The following NUP93 variants were observed in gnomAD, a reference collection of about 807,000 sequenced individuals.
NUP93 encodes the protein nucleoporin 93.
Under a neutral mutation model 107.8 loss-of-function variants are expected in NUP93, and 55 were observed. The ratio of observed to expected loss-of-function variants is 0.51; its 90% CI spans 0.41 to 0.64. The LOEUF (loss-of-function observed/expected upper bound fraction) is 0.64, where lower values mean the gene tolerates loss of function less well. Ranked by LOEUF, NUP93 falls within the 30% of genes least tolerant of loss-of-function variation. The pLI is 0.00. For synonymous variants in NUP93, 390 were observed against 397.5 expected, an observed-to-expected ratio of 0.98 and a Z score of 0.22; for missense variants, 937 against 1,044.7, an observed-to-expected ratio of 0.90 and a Z score of 1.42.
intron 5 of NUP93, 136 bp downstream of exon 5, chr16:56,805,768 A>G (rs1963124464): frequency 3.1e-6 from 3 of 976,446 alleles, no homozygotes; most frequent in Non-Finnish European, 4.5e-6. Context: ...AGCTTTTAGG[A>G]TGCCGCATTT....
Position 56,831,698 on chromosome 16 carries a change from G to A in NUP93, c.1086-144G>A, listed in dbSNP as rs571281513. The A allele has an allele frequency of 4.0e-6, 3 of 744,480 alleles. No homozygotes were observed. In the East Asian group the frequency reaches 8.1e-5, roughly 20 times the overall value. The allele number at this position is 744,480 out of a possible 1,614,324, so 46.1% of individuals were successfully genotyped here. A position where few individuals can be genotyped will look rare whatever the true frequency, so the allele number is the denominator to read the frequency against. The stretch of plus-strand genomic sequence containing the variant: ...GTTAAAGCGATGGTACCGAGGGGAG[G>A]GGATGGGGCAGAGACAGTGTCTCTT... On this transcript the variant is annotated intron_variant, in intron 10 of 21. Coordinates refer to ENST00000308159, the MANE Select transcript of NUP93 (RefSeq NM_014669.5).
At chr16:56,832,133 C>A in intron 11 of NUP93, 126 bp downstream of exon 11, 1 of 1,292,448 alleles carries the variant, frequency 7.7e-7, no homozygotes, top group Admixed American at 1.8e-5. Context: ...TTCCTCGTCT[C>A]CTGTCCCCAT....
chr16:56,802,409 C>T (rs554243945), intron 4 of NUP93, among the ~76,000 whole-genome samples: 4 of 146,984 alleles, frequency 2.7e-5, no homozygotes, highest in Non-Finnish European at 4.5e-5. Context: ...AGGTTTTTCT[C>T]GGTATTTTTC....
At chr16:56,839,669 T>G (rs1293034124) in intron 20 of NUP93, 65 bp downstream of exon 20, 1 of 1,224,088 alleles carries the variant, frequency 8.2e-7, no homozygotes, top group Admixed American at 1.8e-5. Context: ...GCTTTTTCTT[T>G]TCCTGTACCT....
At chr16:56,826,907 A>G (rs767740879) in intron 8 of NUP93, among the ~76,000 whole-genome samples, 15 of 151,686 alleles carry the variant, frequency 9.9e-5, no homozygotes, top group Admixed American at 3.9e-4. Flanking sequence ...TTAGCCAGGC[A>G]TGATGGTGCA....
At chr16:56,827,078 A>C (rs1395268196) in intron 8 of NUP93, among the ~76,000 whole-genome samples, 1 of 141,362 alleles carries the variant, frequency 7.1e-6, no homozygotes, top group African/African-American at 2.6e-5. Context: ...AATTTTGTTG[A>C]GTCTGTTTCC....
chr16:56,816,480 T>C (rs1963435186), intron 5 of NUP93, among the ~76,000 whole-genome samples: 1 of 152,204 alleles, frequency 6.6e-6, no homozygotes, highest in Non-Finnish European at 1.5e-5. Flanking sequence ...TACACTACCT[T>C]CTCTAGCACA....
intron 1 of NUP93, among the ~76,000 whole-genome samples, chr16:56,739,731 C>T (rs1961682981): frequency 7.5e-6 from 1 of 133,556 alleles, no homozygotes. Context: ...GCCGACCCCC[C>T]CACCTCCCTC....
intron 4 of NUP93, among the ~76,000 whole-genome samples, chr16:56,800,801 G>A (rs1963003800): frequency 6.6e-6 from 1 of 152,176 alleles, no homozygotes; most frequent in Non-Finnish European, 1.5e-5. Context: ...CAGAACATAT[G>A]CAGTGTTTCT....
chr16:56,775,666 A>G (rs1156662584), intron 3 of NUP93, among the ~76,000 whole-genome samples: 1 of 152,224 alleles, frequency 6.6e-6, no homozygotes, highest in Non-Finnish European at 1.5e-5. Flanking sequence ...CCTGATGGAG[A>G]GAACAGTGTG....
At chr16:56,832,152 G>C in intron 11 of NUP93, 143 bp from the exon 12 acceptor site, 2 of 1,228,064 alleles carry the variant, frequency 1.6e-6, no homozygotes, top group Non-Finnish European at 1.2e-6. Flanking sequence ...ATTTTTTGTT[G>C]TGTAATTCCC....
chr16:56,764,467 C>T (rs1197995698), intron 3 of NUP93, among the ~76,000 whole-genome samples: 1 of 152,094 alleles, frequency 6.6e-6, no homozygotes, highest in African/African-American at 2.4e-5. Flanking sequence ...TCCAGCCTGG[C>T]TGACAGAGAG....
At chr16:56,791,049 T>C (rs1211127708) in intron 3 of NUP93, among the ~76,000 whole-genome samples, 1 of 152,198 alleles carries the variant, frequency 6.6e-6, no homozygotes, top group African/African-American at 2.4e-5. Flanking sequence ...ATTGTACATA[T>C]TAAAATGAGA....
At chr16:56,750,928 G>A (rs1250654791) in intron 2 of NUP93, among the ~76,000 whole-genome samples, 1 of 152,116 alleles carries the variant, frequency 6.6e-6, no homozygotes, top group East Asian at 1.9e-4. Context: ...GGAGGCTGAG[G>A]CAGATGAATC....
chr16:56,772,761 G>A (rs970348780), intron 3 of NUP93, among the ~76,000 whole-genome samples: 15 of 152,236 alleles, frequency 9.9e-5, no homozygotes, highest in African/African-American at 3.4e-4. Flanking sequence ...TATGTACCCT[G>A]AAGTGCATTT....
intron 12 of NUP93, 115 bp from the exon 13 acceptor site, chr16:56,833,100 T>G (rs1358098682): frequency 1.2e-6 from 1 of 849,388 alleles, no homozygotes; most frequent in Non-Finnish European, 1.8e-6. Context: ...ATCTGGTGCT[T>G]TCTTCCTGTC....
intron 3 of NUP93, among the ~76,000 whole-genome samples, chr16:56,775,685 G>A (rs577500351): frequency 7.9e-5 from 12 of 152,252 alleles, no homozygotes; most frequent in African/African-American, 2.6e-4. Context: ...TGGGGAAAGC[G>A]GATTTTAAAA....
intron 16 of NUP93, among the ~76,000 whole-genome samples, chr16:56,836,086 G>A (rs1209212818): frequency 6.8e-5 from 10 of 147,760 alleles, no homozygotes; most frequent in South Asian, 2.1e-4. Flanking sequence ...CCGAGATTGC[G>A]CCACTGCACT....
At chr16:56,799,546 G>A (rs1296228122) in intron 4 of NUP93, among the ~76,000 whole-genome samples, 2 of 152,194 alleles carry the variant, frequency 1.3e-5, no homozygotes, top group Non-Finnish European at 2.9e-5. Context: ...CTGTGGAATT[G>A]GTTCTAGAAG....
Sources: allele counts gnomAD v4.1 joint callset (sites outside exome capture counted in the v4.1 genomes callset), GRCh38; gene constraint gnomAD v4.1.1; transcripts MANE v1.5; gene names NCBI Gene and HGNC (gene_info 2026-07-23, HGNC 2026-07-21).